Variants in SLC30A7 observed in about 807,000 individuals in gnomAD.
SLC30A7 encodes zinc transporter 7.
In SLC30A7, 35 loss-of-function variants were observed where a neutral mutation model predicts 46.0. That is an observed-to-expected ratio of 0.76 (90% CI 0.58 to 1.01). The LOEUF (loss-of-function observed/expected upper bound fraction) is 1.01, where lower values mean the gene tolerates loss of function less well. SLC30A7 is among the 50% of genes least tolerant of loss of function. The pLI is 0.00. For missense variants in SLC30A7, 464 were observed against 451.1 expected, an observed-to-expected ratio of 1.03 and a Z score of -0.26; for synonymous variants, 147 against 157.8, an observed-to-expected ratio of 0.93 and a Z score of 0.51.
chr1:100,972,200 C>G (rs1409243458), intron 10 of SLC30A7: 4 of 248,300 alleles, frequency 1.6e-5, no homozygotes, highest in Admixed American at 5.5e-5. Flanking sequence ...TGTGAATAAA[C>G]TGTAGAAAAC....
At chr1:100,941,254 G>A in intron 8 of SLC30A7, 2 of 371,656 alleles carry the variant, frequency 5.4e-6, no homozygotes, top group South Asian at 4.7e-5. Flanking sequence ...CCATCCCACT[G>A]CCACCATATC....
chr1:100,974,995 G>A lies in SLC30A7; in HGVS notation c.*138G>A. The A allele has an allele frequency of 1.9e-6, 1 of 538,298 alleles. No individual in the cohort carries two copies. Among genetic ancestry groups the A allele is most frequent in the Non-Finnish European group, 3.2e-6 (1 of 317,214 alleles). 33.3% of individuals were successfully genotyped at this position (538,298 alleles called of 1,614,324 possible). On this transcript the variant is annotated 3_prime_UTR_variant, in exon 11 of 11. Transcript: ENST00000357650. ...GCACTAAGTAGACGGGGTAGAGTCA[G>A]CCGTTCATGCTTTGTGGGGAGTTCA...
chr1:100,973,950 T>C (rs745309669), intron 10 of SLC30A7, among the ~76,000 whole-genome samples: 12 of 152,080 alleles, frequency 7.9e-5, no homozygotes, highest in Non-Finnish European at 1.3e-4. Flanking sequence ...AAAAGATTGG[T>C]TGAAATGAGT....
intron 8 of SLC30A7, chr1:100,941,737 G>C (rs1417780627): frequency 3.1e-6 from 2 of 638,186 alleles, no homozygotes; most frequent in East Asian, 6.7e-5. Flanking sequence ...GTGTAGCTTT[G>C]CATTCATGAC....
In SLC30A7 at chr1:100,921,854, G is replaced by A. The variant is rs770816254; in HGVS notation, c.842+13G>A. ...TTATAGTTGTAAGGTAAGTGTTATT[G>A]TTACTTTCAAGTATTAAAGTGAGAC... On this transcript the variant is annotated intron_variant, in intron 8 of 10. Coordinates refer to ENST00000357650, the MANE Select transcript of SLC30A7 (RefSeq NM_133496.5). The A allele has an allele frequency of 1.3e-6, 2 of 1,575,462 alleles. No individual in the cohort carries two copies. Among genetic ancestry groups the A allele is most frequent in the Admixed American group, 3.4e-5 (2 of 58,498 alleles).
chr1:100,964,342 A>T (rs1055922036), intron 9 of SLC30A7, among the ~76,000 whole-genome samples: 11 of 138,710 alleles, frequency 7.9e-5, no homozygotes, highest in Non-Finnish European at 1.2e-4. Context: ...TATATATGTT[A>T]TATATACATA....
At chr1:100,934,821 A>C (rs974688912) in intron 8 of SLC30A7, among the ~76,000 whole-genome samples, 4 of 152,124 alleles carry the variant, frequency 2.6e-5, no homozygotes, top group Non-Finnish European at 4.4e-5. Context: ...AAAATCTGCT[A>C]TTACTACCTA....
chr1:100,906,236 C>CAT (rs774786435), intron 2 of SLC30A7, among the ~76,000 whole-genome samples: 3 of 152,184 alleles, frequency 2.0e-5, no homozygotes, highest in Non-Finnish European at 2.9e-5. Context: ...AAGTTCTGCA[C>CAT]ATATCTCTTT....
chr1:100,924,832 A>C (rs776858822), intron 8 of SLC30A7, among the ~76,000 whole-genome samples: 12 of 152,182 alleles, frequency 7.9e-5, no homozygotes, highest in Non-Finnish European at 1.6e-4. Flanking sequence ...AAGTAAACAT[A>C]CACAGACACA....
At chr1:100,954,341 A>C (rs1392955260) in intron 8 of SLC30A7, among the ~76,000 whole-genome samples, 1 of 152,192 alleles carries the variant, frequency 6.6e-6, no homozygotes, top group African/African-American at 2.4e-5. Context: ...TCTCATCAGT[A>C]AAATGAGGGA....
intron 2 of SLC30A7, among the ~76,000 whole-genome samples, chr1:100,900,412 G>A (rs1400011858): frequency 6.6e-6 from 1 of 152,144 alleles, no homozygotes; most frequent in East Asian, 1.9e-4. Flanking sequence ...GCAGATGTTT[G>A]TAAAGTAATT....
intron 8 of SLC30A7, among the ~76,000 whole-genome samples, chr1:100,923,004 A>ATGTTTT: frequency 2.0e-5 from 1 of 49,140 alleles, no homozygotes; most frequent in African/African-American, 9.2e-5. Context: ...GTTAGAATAG[A>ATGTTTT]TTTTTTTTTT....
chr1:100,896,256 A>G lies in SLC30A7; in HGVS notation c.-7A>G. On this transcript the variant is annotated 5_prime_UTR_variant, in exon 1 of 11. Transcript: ENST00000357650. ...GAGTAGACCCGGCCCTTCGCCGGGCAGAGAAGATGTTGCCCCTGTCCATCA... is the reference window on the plus strand; with the variant it reads ...GAGTAGACCCGGCCCTTCGCCGGGCGGAGAAGATGTTGCCCCTGTCCATCA... 1 of 1,613,606 alleles carries G rather than the reference A, an allele frequency of 6.2e-7. No individual in the cohort carries two copies. Among genetic ancestry groups the G allele is most frequent in the Non-Finnish European group, 8.5e-7 (1 of 1,179,554 alleles).
intron 2 of SLC30A7, among the ~76,000 whole-genome samples, chr1:100,902,478 G>T (rs917758804): frequency 6.6e-6 from 1 of 152,238 alleles, no homozygotes; most frequent in Non-Finnish European, 1.5e-5. Flanking sequence ...AAAAAAAGGA[G>T]TGTGTGTTAG....
Position 100,921,837 on chromosome 1 carries a change from G to A in SLC30A7, c.838G>A (p.Val280Ile), listed in dbSNP as rs747613340. 1.9e-6 allele frequency: 3 copies of A among 1,601,574 alleles called. No individual in the cohort carries two copies. The highest frequency in any genetic ancestry group is 2.6e-6 in the Non-Finnish European group (3 of 1,173,030). Residue 280 changes from valine to isoleucine, a missense_variant, in exon 8 of 11, where the codon GTA becomes ATA. Coordinates refer to ENST00000357650, the MANE Select transcript of SLC30A7 (RefSeq NM_133496.5). ...AATTCTTATAGCCATTCTTATAGTTGTAAGGTAAGTGTTATTGTTACTTTC... is the reference window on the plus strand; with the variant it reads ...AATTCTTATAGCCATTCTTATAGTTATAAGGTAAGTGTTATTGTTACTTTC... ...CSILIAILIV[V>I]SVIPLLRESV... is the part of the protein sequence containing the mutation.
At chr1:100,949,405 C>A (rs1307578383) in intron 8 of SLC30A7, among the ~76,000 whole-genome samples, 1 of 152,176 alleles carries the variant, frequency 6.6e-6, no homozygotes, top group Non-Finnish European at 1.5e-5. Context: ...GGGGCACCCG[C>A]CTGTGTGAGG....
At chr1:100,968,185 G>C (rs1228885342) in intron 10 of SLC30A7, among the ~76,000 whole-genome samples, 1 of 152,140 alleles carries the variant, frequency 6.6e-6, no homozygotes, top group Non-Finnish European at 1.5e-5. Flanking sequence ...AATAGGCCAG[G>C]CATGGTGGCT....
At chr1:100,904,003 G>A (rs1307107252) in intron 2 of SLC30A7, among the ~76,000 whole-genome samples, 2 of 152,138 alleles carry the variant, frequency 1.3e-5, no homozygotes, top group East Asian at 3.8e-4. Flanking sequence ...GAATATTAAT[G>A]TGGTTTTAAT....
intron 8 of SLC30A7, among the ~76,000 whole-genome samples, chr1:100,929,093 A>AGAGT (rs148992125): frequency 1.3e-5 from 2 of 149,208 alleles, no homozygotes; most frequent in African/African-American, 2.5e-5. Context: ...ATATATAGAG[A>AGAGT]GTGTGTGTGT....
Sources: allele counts gnomAD v4.1 joint callset (sites outside exome capture counted in the v4.1 genomes callset), GRCh38; gene constraint gnomAD v4.1.1; transcripts MANE v1.5; gene names NCBI Gene and HGNC (gene_info 2026-07-23, HGNC 2026-07-21).